ATF2: variants seen among roughly 807,000 people sequenced by gnomAD.
The protein encoded by ATF2 is activating transcription factor 2.
In ATF2, 24 loss-of-function variants were observed where a neutral mutation model predicts 60.6. The observed-to-expected ratio is 0.40, with a 90% confidence interval of 0.29 to 0.56. The LOEUF is 0.56. Ranked by LOEUF, ATF2 falls within the 20% of genes least tolerant of loss-of-function variation. The pLI, the probability that ATF2 is intolerant of heterozygous loss-of-function variation, is 0.54. For missense variants in ATF2, 433 were observed against 607.7 expected (o/e 0.71, Z 3.02); for synonymous variants, 206 against 215.4 (o/e 0.96, Z 0.38).
intron 11 of ATF2, among the ~76,000 whole-genome samples, chr2:175,094,319 G>A (rs1374545195): frequency 2.7e-5 from 4 of 149,872 alleles, no homozygotes; most frequent in South Asian, 2.1e-4. Flanking sequence ...ACTTGAACCC[G>A]GGAGGCAGAG....
rs1693162631 is a variant in ATF2 at position 175,074,673 on chromosome 2, G to A, written c.1454C>T (p.Thr485Ile). 2.5e-6 allele frequency: 4 copies of A among 1,613,244 alleles called. No individual in the cohort carries two copies. The highest frequency in any genetic ancestry group is 3.4e-6 in the Non-Finnish European group (4 of 1,179,646). ...AACGATCTGTGAAAGAGCAGGCTCT[G>A]TACTCTGGTCCGCCATCTGGGTGAG... The part of the protein sequence containing the change: ...SVLTQMADQS[T>I]EPALSQIVMA... Residue 485 changes from threonine (T) to isoleucine (I), a missense_variant, in exon 14 of 14, where the codon ACA (threonine) becomes ATA (isoleucine). Thr to Ile is a moderately conservative substitution (Grantham distance 89). Coordinates refer to ENST00000264110, the MANE Select transcript of ATF2 (RefSeq NM_001880.4).
At chr2:175,112,304 A>C (rs1696251590) in intron 9 of ATF2, among the ~76,000 whole-genome samples, 1 of 152,150 alleles carries the variant, frequency 6.6e-6, no homozygotes, top group South Asian at 2.1e-4. Flanking sequence ...TTCCCTCCTC[A>C]AAAAAATATT....
At chr2:175,149,506 C>T (rs942709033) in intron 2 of ATF2, among the ~76,000 whole-genome samples, 1 of 152,114 alleles carries the variant, frequency 6.6e-6, no homozygotes, top group African/African-American at 2.4e-5. Flanking sequence ...GCACACTATG[C>T]ATAAGAAAAC....
rs13006505 is a variant in ATF2, at chr2:175,142,817, C to T, written c.-43-6331G>A. ...GAGAAACAGAAAGAGAGAGCAACAG[C>T]GAGCGAGCAAGAGAGAGAGTGTGTG... On this transcript the variant is annotated intron_variant, in intron 2 of 13. Transcript: ENST00000264110. Among the ~76,000 whole-genome samples, 200 of 139,852 alleles carry T rather than the reference C, an allele frequency of 1.4e-3. 2 individuals carry two copies. Among genetic ancestry groups the T allele is most frequent in the South Asian group, 0.012 (51 of 4,364 alleles). 91.7% of individuals were successfully genotyped at this position (139,852 alleles called of 152,430 possible).
chr2:175,153,948 G>A (rs1034364948), intron 1 of ATF2, among the ~76,000 whole-genome samples: 2 of 151,536 alleles, frequency 1.3e-5, no homozygotes, highest in African/African-American at 4.8e-5. Flanking sequence ...GGCTGGGCAT[G>A]GTGGCTCACG....
chr2:175,134,294 G>T lies in ATF2; in HGVS notation c.32+2118C>A, dbSNP rs566366609. ...CATAGGTGATACACAAATATTACAC[G>T]ATTTTATATAAGTAACTGGAGCATC... On this transcript the variant is annotated intron_variant, in intron 3 of 13. Transcript: ENST00000264110. Among the ~76,000 whole-genome samples, 3 of 151,966 alleles carry T rather than the reference G, an allele frequency of 2.0e-5. No homozygotes were observed. The East Asian group carries it at 5.8e-4, about 30-fold the overall frequency.
intron 4 of ATF2, among the ~76,000 whole-genome samples, chr2:175,123,494 C>T (rs926915286): frequency 4.6e-5 from 7 of 151,978 alleles, no homozygotes; most frequent in Admixed American, 2.0e-4. Context: ...GGAATGTTGT[C>T]GCCTAGGAAT....
At chr2:175,136,360 T>C in intron 3 of ATF2, 52 bp downstream of exon 3, 2 of 1,558,356 alleles carry the variant, frequency 1.3e-6, no homozygotes, top group Non-Finnish European at 8.8e-7. Flanking sequence ...TAAAGATTTT[T>C]ACAACCCAAA....
intron 1 of ATF2, among the ~76,000 whole-genome samples, chr2:175,165,877 G>A (rs1180112275): frequency 6.6e-6 from 1 of 152,152 alleles, no homozygotes; most frequent in East Asian, 1.9e-4. Context: ...TGTTAGCTAG[G>A]ATGGTCTCGA....
In ATF2 at chr2:175,097,618, T is replaced by A. The variant is rs550163788; in HGVS notation, c.829-25A>T. 121 of 1,608,406 alleles carry A rather than the reference T, an allele frequency of 7.5e-5. 1 individual carries two copies. The highest frequency in any genetic ancestry group is 7.5e-4 in the African/African-American group (56 of 74,656). On this transcript the variant is annotated intron_variant, in intron 10 of 13. Transcript: ENST00000264110. Reference sequence around the variant, plus strand: ...TCTGCAATGCAAACACCATTAAAAATTTTTTTTAAGTCCTTAAAGATCATC... The same window carrying A: ...TCTGCAATGCAAACACCATTAAAAAATTTTTTTAAGTCCTTAAAGATCATC...
In ATF2 at chr2:175,073,417, T is replaced by C. The variant is rs1693066499; in HGVS notation, c.*1192A>G. 6.6e-6 allele frequency: 1 copy of C among 151,924 alleles called. No homozygotes were observed. Among genetic ancestry groups the C allele is most frequent in the Non-Finnish European group, 1.5e-5 (1 of 67,972 alleles). 9.4% of individuals were successfully genotyped at this position (151,924 alleles called of 1,614,324 possible). On this transcript the variant is annotated 3_prime_UTR_variant, in exon 14 of 14. Coordinates refer to ENST00000264110, the MANE Select transcript of ATF2 (RefSeq NM_001880.4). Reference sequence around the variant, plus strand: ...GGCCAGCATCACACTGAAGGCATCGTTAAACATTCAAGCAAAGATTGCTGG... The same window carrying C: ...GGCCAGCATCACACTGAAGGCATCGCTAAACATTCAAGCAAAGATTGCTGG...
chr2:175,107,737 C>T (rs1205403), intron 10 of ATF2, among the ~76,000 whole-genome samples: 15,829 of 152,248 alleles, frequency 0.1, 967 homozygotes, highest in Middle Eastern at 0.18. Flanking sequence ...GACTGGTTTT[C>T]GTATTTTTTT....
At chr2:175,158,058 G>A (rs1005889107) in intron 1 of ATF2, among the ~76,000 whole-genome samples, 4 of 151,492 alleles carry the variant, frequency 2.6e-5, no homozygotes, top group African/African-American at 9.7e-5. Context: ...AGCAGGATAC[G>A]AACACTCAGT....
chr2:175,084,322 G>A (rs568239099), intron 12 of ATF2, among the ~76,000 whole-genome samples: 6 of 152,040 alleles, frequency 3.9e-5, no homozygotes, highest in African/African-American at 1.5e-4. Context: ...CATAAAAAAT[G>A]ATGTGTTCAT....
intron 5 of ATF2, among the ~76,000 whole-genome samples, chr2:175,120,002 T>A (rs761648855): frequency 2.0e-5 from 3 of 151,672 alleles, no homozygotes; most frequent in Non-Finnish European, 4.4e-5. Flanking sequence ...ATTTGCATAG[T>A]AATGTTAACC....
intron 2 of ATF2, among the ~76,000 whole-genome samples, chr2:175,150,558 G>A (rs892812192): frequency 3.3e-5 from 5 of 152,030 alleles, no homozygotes; most frequent in African/African-American, 1.2e-4. Context: ...TCCAATTAAC[G>A]TTTCTGATCA....
At chr2:175,098,116 T>G (rs1408205976) in intron 10 of ATF2, among the ~76,000 whole-genome samples, 1 of 152,236 alleles carries the variant, frequency 6.6e-6, no homozygotes, top group Non-Finnish European at 1.5e-5. Flanking sequence ...CCCAACCAGT[T>G]AGTAAGCTCT....
At chr2:175,128,746 C>A (rs181073371) in intron 4 of ATF2, among the ~76,000 whole-genome samples, 3 of 152,024 alleles carry the variant, frequency 2.0e-5, no homozygotes, top group East Asian at 1.9e-4. Context: ...GATATTATTA[C>A]GAAAATTAAG....
intron 3 of ATF2, among the ~76,000 whole-genome samples, chr2:175,135,571 A>G (rs1209326919): frequency 6.6e-6 from 1 of 152,208 alleles, no homozygotes; most frequent in Non-Finnish European, 1.5e-5. Context: ...AGTTAGAACA[A>G]ATGACCTGGT....
Sources: allele counts gnomAD v4.1 joint callset (sites outside exome capture counted in the v4.1 genomes callset), GRCh38; gene constraint gnomAD v4.1.1; transcripts MANE v1.5; gene names NCBI Gene and HGNC (gene_info 2026-07-23, HGNC 2026-07-21).